Variants in IFNAR2 observed in about 807,000 individuals in gnomAD.
IFNAR2 encodes the protein interferon alpha and beta receptor subunit 2.
Under a neutral mutation model 49.4 loss-of-function variants are expected in IFNAR2, and 30 were observed. That is an observed-to-expected ratio of 0.61 (90% CI 0.45 to 0.82). The LOEUF is 0.82. Ranked by LOEUF, IFNAR2 falls within the 40% of genes least tolerant of loss-of-function variation. The pLI, the probability that IFNAR2 is intolerant of heterozygous loss-of-function variation, is 0.00. For synonymous variants in IFNAR2, 224 were observed against 234.5 expected, an observed-to-expected ratio of 0.96 and a Z score of 0.41; for missense variants, 600 against 622.7, an observed-to-expected ratio of 0.96 and a Z score of 0.39.
chr21:33,237,944 T>C (rs1037590755), intron 1 of IFNAR2, among the ~76,000 whole-genome samples: 6 of 152,162 alleles, frequency 3.9e-5, no homozygotes, highest in African/African-American at 1.4e-4. Context: ...AGATAAGCCA[T>C]AGGTCTACCT....
chr21:33,246,759 C>T lies in IFNAR2; in HGVS notation c.263C>T (p.Thr88Ile), dbSNP rs1415566196. ...DLKVVKNCAN[T>I]TRSFCDLTDE... is the part of the protein sequence containing the mutation. ...AAGGTGGTTAAGAACTGTGCAAATA[C>T]CACAAGATCATTTTGTGACCTCACA... Residue 88 changes from threonine to isoleucine, a missense_variant, in exon 5 of 9, where the codon ACC (threonine) becomes ATC (isoleucine). Physicochemically the swap from Thr to Ile is moderately conservative, Grantham distance 89. Transcript: ENST00000342136. The T allele has an allele frequency of 2.0e-5, 32 of 1,613,770 alleles. No homozygotes were observed. Among genetic ancestry groups the T allele is most frequent in the Non-Finnish European group, 1.9e-5 (22 of 1,179,704 alleles).
At chr21:33,255,729 C>G (rs11701450) in intron 7 of IFNAR2, among the ~76,000 whole-genome samples, 4,329 of 152,274 alleles carry the variant, frequency 0.028, 102 homozygotes, top group Non-Finnish European at 0.042. Context: ...GGATTGAACT[C>G]AGTCTCCAGC....
chr21:33,232,969 A>T (rs1264882308), intron 1 of IFNAR2: 1 of 981,608 alleles, frequency 1.0e-6, no homozygotes, highest in Non-Finnish European at 1.2e-6. Flanking sequence ...GGATTGCAAG[A>T]CGTCTTACTA....
intron 1 of IFNAR2, among the ~76,000 whole-genome samples, chr21:33,231,565 C>A (rs915950626): frequency 6.6e-6 from 1 of 152,180 alleles, no homozygotes; most frequent in Non-Finnish European, 1.5e-5. Context: ...CCTAGAGGTA[C>A]TGTCATAGAC....
At chr21:33,238,052 A>G (rs976991158) in intron 1 of IFNAR2, among the ~76,000 whole-genome samples, 11 of 152,180 alleles carry the variant, frequency 7.2e-5, no homozygotes, top group African/African-American at 1.7e-4. Flanking sequence ...TCCTGCACAC[A>G]TAACTCACAA....
chr21:33,259,455 A>C (rs1988424820), intron 7 of IFNAR2, among the ~76,000 whole-genome samples: 1 of 152,234 alleles, frequency 6.6e-6, no homozygotes, highest in Admixed American at 6.5e-5. Context: ...AAGAATTCTC[A>C]GACTCATGAG....
At chr21:33,250,285 A>G (rs1002978512) in intron 6 of IFNAR2, among the ~76,000 whole-genome samples, 8 of 152,178 alleles carry the variant, frequency 5.3e-5, no homozygotes, top group African/African-American at 1.9e-4. Flanking sequence ...TTCACCCCAT[A>G]AGCAACTAAC....
intron 1 of IFNAR2, among the ~76,000 whole-genome samples, chr21:33,233,648 C>T (rs1482295676): frequency 2.6e-5 from 4 of 152,034 alleles, no homozygotes; most frequent in Non-Finnish European, 5.9e-5. Context: ...GAAACTTTTC[C>T]GAGGGGCATA....
Position 33,263,167 on chromosome 21 carries a change from T to G in IFNAR2, c.1215T>G (p.Pro405=). 6.2e-7 allele frequency: 1 copy of G among 1,614,118 alleles called. No homozygotes were observed. The highest frequency in any genetic ancestry group is 1.1e-5 in the South Asian group (1 of 91,084). The change falls in exon 9 of 9, where the codon CCT becomes CCG. Residue 405 remains proline (P), a synonymous_variant. Transcript: ENST00000342136. ...GGAGAAAGAGTCCACTCCAGGACCC[T>G]TTTCCCGAAGAGGACTACAGCTCCA... The part of the protein sequence containing the change: ...CERRKSPLQD[P]FPEEDYSSTE...
At chr21:33,233,776 GAACTT>G (rs1194860313) in intron 1 of IFNAR2, among the ~76,000 whole-genome samples, 1 of 151,954 alleles carries the variant, frequency 6.6e-6, no homozygotes, top group African/African-American at 2.4e-5. Context: ...TCAAAATAAA[GAACTT>G]AAGAGTAGAG....
At chr21:33,261,035 C>CTTTTTTTTTTTTTTTTTTTTTTT (rs368696822) in intron 8 of IFNAR2, among the ~76,000 whole-genome samples, 5 of 95,998 alleles carry the variant, frequency 5.2e-5, no homozygotes, top group East Asian at 3.5e-4. Context: ...GTTTTCTTTC[C>CTTTTTTTTTTTTTTTTTTTTTTT]TTTTTTTTTT....
chr21:33,265,585 GTGTT>G lies in IFNAR2; in HGVS notation c.*2089_*2092del, dbSNP rs1332441034. The G allele has an allele frequency of 2.0e-5, 4 of 197,308 alleles. No homozygotes were observed. The highest frequency in any genetic ancestry group is 6.3e-5 in the South Asian group (1 of 15,756). The allele number at this position is 197,308 out of a possible 1,614,324, so 12.2% of individuals were successfully genotyped here. A position where few individuals can be genotyped will look rare whatever the true frequency, so the allele number is the denominator to read the frequency against. On this transcript the variant is annotated 3_prime_UTR_variant, in exon 9 of 9. Coordinates refer to ENST00000342136, the MANE Select transcript of IFNAR2 (RefSeq NM_001289125.3). ...CCTCTATGGCTGTGAGTGTGTGTGTGTGTTTGTGTATTTTTTAACATTTTGTATA... is the reference window on the plus strand; with the variant it reads ...CCTCTATGGCTGTGAGTGTGTGTGTGTGTGTATTTTTTAACATTTTGTATA...
chr21:33,242,762 TGTGTGTGTGTGTGTGTGTGTGTG>T lies in IFNAR2; in HGVS notation c.55+786_55+808del, dbSNP rs1987061298. Among the ~76,000 whole-genome samples the T allele has an allele frequency of 8.2e-3, 9 of 1,094 alleles. 1 individual carries two copies. Among genetic ancestry groups the T allele is most frequent in the Non-Finnish European group, 0.012 (7 of 568 alleles). The allele number at this position is 1,094 out of a possible 152,430, so 0.7% of individuals were successfully genotyped here. Reference sequence around the variant, plus strand: ...AAAAAAAAAAAATCTCGTGTGCGTGTGTGTGTGTGTGTGTGTGTGTGTGTGTGTGTGTGTGTGTGTGTTTTGAG... The same window carrying T: ...AAAAAAAAAAAATCTCGTGTGCGTGTTGTGTGTGTGTGTGTGTGTTTTGAG... On this transcript the variant is annotated intron_variant, in intron 2 of 8. Coordinates refer to ENST00000342136, the MANE Select transcript of IFNAR2 (RefSeq NM_001289125.3).
intron 7 of IFNAR2, among the ~76,000 whole-genome samples, chr21:33,257,580 T>G (rs546900219): frequency 6.7e-6 from 1 of 148,666 alleles, no homozygotes; most frequent in Non-Finnish European, 1.5e-5. Flanking sequence ...CGTTTTAGAG[T>G]GCTGATTGGT....
At chr21:33,251,737 T>C (rs1316596033) in intron 6 of IFNAR2, 2 of 985,170 alleles carry the variant, frequency 2.0e-6, no homozygotes, top group Non-Finnish European at 2.4e-6. Context: ...CTTCATATCA[T>C]CTTTTAAATT....
chr21:33,230,612 A>G lies in IFNAR2; in HGVS notation c.-84+396A>G. The G allele has an allele frequency of 2.1e-6, 1 of 470,066 alleles. No homozygotes were observed. Among genetic ancestry groups the G allele is most frequent in the Non-Finnish European group, 4.4e-6 (1 of 226,496 alleles). The allele number at this position is 470,066 out of a possible 1,614,324, so 29.1% of individuals were successfully genotyped here. ...TTCCTCCAGGTCCACCCCGCCTTGC[A>G]AAACCGGCTCACCAGCTGGGTGCTC... On this transcript the variant is annotated intron_variant, in intron 1 of 8. Transcript: ENST00000342136. This position sits in a 1 kb window ranked among gnomAD's most constrained non-coding sequence, Gnocchi z 5.5.
chr21:33,263,128 T>A lies in IFNAR2; in HGVS notation c.1176T>A (p.Ser392Arg), dbSNP rs144384060. 2.9e-4 allele frequency: 468 copies of A among 1,614,144 alleles called. 2 individuals carry two copies. The African/African-American group carries it at 5.6e-3, about 19-fold the overall frequency. ...KDSPQQLELL[S>R]GPCERRKSPL... ...GCCCTCAGCAGTTGGAACTCTTGAG[T>A]GGGCCCTGTGAGAGGAGAAAGAGTC... The change falls in exon 9 of 9, where the codon AGT becomes AGA. Residue 392 changes from serine to arginine, a missense_variant. Coordinates refer to ENST00000342136, the MANE Select transcript of IFNAR2 (RefSeq NM_001289125.3).
intron 6 of IFNAR2, chr21:33,251,580 C>A: frequency 1.0e-6 from 1 of 985,180 alleles, no homozygotes; most frequent in Non-Finnish European, 1.2e-6. Context: ...TTTACTAACT[C>A]CTCCTCCCAA....
At chr21:33,260,815 A>G in intron 8 of IFNAR2, 88 bp downstream of exon 8, 1 of 844,258 alleles carries the variant, frequency 1.2e-6, no homozygotes, top group Non-Finnish European at 1.7e-6. Context: ...ATATTTTCAC[A>G]GAAGAAAATC....
Sources: allele counts gnomAD v4.1 joint callset (sites outside exome capture counted in the v4.1 genomes callset), GRCh38; gene constraint gnomAD v4.1.1; non-coding constraint Gnocchi (gnomAD v3.1); transcripts MANE v1.5; gene names NCBI Gene and HGNC (gene_info 2026-07-23, HGNC 2026-07-21).